AQR: variants seen among roughly 807,000 people sequenced by gnomAD.
AQR encodes the protein RNA helicase aquarius.
AQR carries 61 observed loss-of-function variants against 180.5 expected under a neutral mutation model. That is an observed-to-expected ratio of 0.34 (90% confidence interval 0.28 to 0.42). AQR has a LOEUF of 0.42. Ranked by LOEUF, AQR falls within the 10% of genes least tolerant of loss-of-function variation. The pLI, the probability that AQR is intolerant of heterozygous loss-of-function variation, is 1.00. For synonymous variants in AQR, 551 were observed against 588.8 expected (o/e 0.94, Z 0.93); for missense variants, 1,281 against 1,798.3 (o/e 0.71, Z 5.20).
Position 34,924,819 on chromosome 15 carries a change from C to G in AQR, c.1118+2216G>C, listed in dbSNP as rs888955577. 2.7e-5 allele frequency among the ~76,000 whole-genome samples: 4 copies of G among 150,498 alleles called. No individual in the cohort carries two copies. The South Asian group carries it at 8.3e-4, about 31-fold the overall frequency. The stretch of plus-strand genomic sequence containing the variant: ...TAGTGAATATAATGAATATAATACA[C>G]ATAAATGTTCTTTGGGATCCTCAAT... On this transcript the variant is annotated intron_variant, in intron 13 of 34. Transcript: ENST00000156471.
chr15:34,949,139 T>C (rs1335774320), intron 4 of AQR, among the ~76,000 whole-genome samples: 2 of 151,662 alleles, frequency 1.3e-5, no homozygotes, highest in Non-Finnish European at 2.9e-5. Context: ...ATTACAAGAA[T>C]GTGCCACCAC....
intron 1 of AQR, among the ~76,000 whole-genome samples, chr15:34,967,233 T>C (rs2140511793): frequency 6.6e-6 from 1 of 152,296 alleles, no homozygotes; most frequent in Non-Finnish European, 1.5e-5. Context: ...AAGGTGTGTG[T>C]ACTTGCTATT....
intron 2 of AQR, among the ~76,000 whole-genome samples, chr15:34,962,434 G>A (rs1208465821): frequency 6.6e-6 from 1 of 152,142 alleles, no homozygotes; most frequent in African/African-American, 2.4e-5. Context: ...GAAATGCTCT[G>A]TTATTGTTTT....
chr15:34,888,033 C>T lies in AQR; in HGVS notation c.2682-1372G>A, dbSNP rs149951940. Reference sequence around the variant, plus strand: ...AAGCAACAGGCCGGGCACGGTGGCTCACGCCTGTAATCCCAGCACTTTGGG... The same window carrying T: ...AAGCAACAGGCCGGGCACGGTGGCTTACGCCTGTAATCCCAGCACTTTGGG... On this transcript the variant is annotated intron_variant, in intron 24 of 34. Transcript: ENST00000156471. 4.3e-3 allele frequency among the ~76,000 whole-genome samples: 657 copies of T among 152,312 alleles called. 6 individuals are homozygous for T. The highest frequency in any genetic ancestry group is 0.015 in the African/African-American group (622 of 41,560).
chr15:34,858,319 GCAA>G (rs1489686110), intron 34 of AQR, among the ~76,000 whole-genome samples: 15 of 10,170 alleles, frequency 1.5e-3, no homozygotes, highest in African/African-American at 4.2e-3. Flanking sequence ...CACGACAGCA[GCAA>G]AAAAAAAAAA....
chr15:34,914,240 T>G (rs1893544938), intron 16 of AQR, among the ~76,000 whole-genome samples: 2 of 152,220 alleles, frequency 1.3e-5, no homozygotes, highest in South Asian at 2.1e-4. Context: ...AATTTCATAC[T>G]TGATGAAATT....
At chr15:34,924,336 C>A (rs1447348627) in intron 13 of AQR, among the ~76,000 whole-genome samples, 1 of 152,024 alleles carries the variant, frequency 6.6e-6, no homozygotes, top group African/African-American at 2.4e-5. Flanking sequence ...AAATGTAAAA[C>A]AATGACACTC....
In AQR at chr15:34,856,762, A is replaced by T; in HGVS notation, c.*30T>A. The T allele has an allele frequency of 6.8e-7, 1 of 1,461,656 alleles. No homozygotes were observed. The highest frequency in any genetic ancestry group is 9.1e-7 in the Non-Finnish European group (1 of 1,102,836). The allele number at this position is 1,461,656 out of a possible 1,614,324, so 90.5% of individuals were successfully genotyped here. On this transcript the variant is annotated 3_prime_UTR_variant, in exon 35 of 35. Coordinates refer to ENST00000156471, the MANE Select transcript of AQR (RefSeq NM_014691.3). ...GCTTTACTCAGACTTTTTGACTGCC[A>T]TGTCCTCCTTTAGAAGGACTACAGT...
chr15:34,909,974 A>G (rs1893474329), intron 17 of AQR, among the ~76,000 whole-genome samples, 161 bp downstream of exon 17: 1 of 152,238 alleles, frequency 6.6e-6, no homozygotes, highest in Non-Finnish European at 1.5e-5. Flanking sequence ...TTTAAAACTA[A>G]TAATTAGAAA....
intron 15 of AQR, among the ~76,000 whole-genome samples, chr15:34,916,798 T>G (rs1439703693): frequency 6.8e-6 from 1 of 147,766 alleles, no homozygotes; most frequent in South Asian, 2.1e-4. Flanking sequence ...AGGAACATGC[T>G]GCAATATACC....
rs745980811 is a variant in AQR at position 34,915,073 on chromosome 15, C to T, written c.1449G>A (p.Gln483=). The T allele has an allele frequency of 6.8e-6, 11 of 1,612,686 alleles. No individual in the cohort carries two copies. The Admixed American group carries it at 8.4e-5, about 12-fold the overall frequency. The change falls in exon 16 of 35, where the codon CAG becomes CAA. Residue 483 remains glutamine, a synonymous_variant. Transcript: ENST00000156471. ...FRLESTYEIR[Q]DIEDSVSRMK... ...TTCTGCTGACACTATCTTCAATGTC[C>T]TGACGAATTTCATAAGTTGATTCTA...
Position 34,860,150 on chromosome 15 carries a change from T to C in AQR, c.4035A>G (p.Gly1345=), listed in dbSNP as rs1322163133. 10 of 1,480,250 alleles carry C rather than the reference T, an allele frequency of 6.8e-6. No homozygotes were observed. Among genetic ancestry groups the C allele is most frequent in the Non-Finnish European group, 8.2e-6 (9 of 1,100,744 alleles). The allele number at this position is 1,480,250 out of a possible 1,614,324, so 91.7% of individuals were successfully genotyped here. Residue 1345 remains glycine (G), a synonymous_variant, in exon 34 of 35, where the codon GGA becomes GGG. Coordinates refer to ENST00000156471, the MANE Select transcript of AQR (RefSeq NM_014691.3). ...TEPFPTTRKN[G]ERPSHEVQII... Reference sequence around the variant, plus strand: ...TTTGTACTTCATGAGATGGTCTCTCTCCATTCTAGAAGAAGGAAAAAAGAA... The same window carrying C: ...TTTGTACTTCATGAGATGGTCTCTCCCCATTCTAGAAGAAGGAAAAAAGAA...
intron 6 of AQR, chr15:34,943,447 A>G: frequency 4.7e-6 from 1 of 213,470 alleles, no homozygotes; most frequent in Non-Finnish European, 7.0e-6. Context: ...TATGTTCAAA[A>G]TAAATAAATA....
chr15:34,883,884 T>C (rs1269951444), intron 26 of AQR, among the ~76,000 whole-genome samples: 2 of 152,168 alleles, frequency 1.3e-5, no homozygotes, highest in Non-Finnish European at 2.9e-5. Flanking sequence ...ACTTTAATAA[T>C]CAGAATCAAT....
intron 23 of AQR, among the ~76,000 whole-genome samples, chr15:34,891,361 T>C (rs1278783619): frequency 6.6e-6 from 1 of 152,058 alleles, no homozygotes; most frequent in Non-Finnish European, 1.5e-5. Context: ...CACACTATAA[T>C]CCCAGAAAAA....
chr15:34,891,790 C>G (rs1893153684), intron 23 of AQR, among the ~76,000 whole-genome samples: 1 of 151,910 alleles, frequency 6.6e-6, no homozygotes. Flanking sequence ...AGACAAAGTC[C>G]AAATTGATCC....
In AQR at chr15:34,873,198, A is replaced by G. The variant is rs1366065387; in HGVS notation, c.3597+630T>C. On this transcript the variant is annotated intron_variant, in intron 30 of 34. Coordinates refer to ENST00000156471, the MANE Select transcript of AQR (RefSeq NM_014691.3). ...TGCAGTGATGAACATGAAGCATACAAGTCTTTCCAAACTTGCCCAATTATT... is the reference window on the plus strand; with the variant it reads ...TGCAGTGATGAACATGAAGCATACAGGTCTTTCCAAACTTGCCCAATTATT... 5.3e-5 allele frequency among the ~76,000 whole-genome samples: 8 copies of G among 152,258 alleles called. No individual in the cohort carries two copies. The South Asian group carries it at 6.2e-4, about 12-fold the overall frequency.
At chr15:34,864,582 T>C (rs1437708383) in intron 32 of AQR, among the ~76,000 whole-genome samples, 1 of 152,184 alleles carries the variant, frequency 6.6e-6, no homozygotes, top group Non-Finnish European at 1.5e-5. Context: ...ACAAATATTA[T>C]AAATAAAATT....
At position 34,853,260 on chromosome 15, in the gene AQR, A is replaced by G. The variant is rs1369832953; in HGVS notation, c.*3532T>C. On this transcript the variant is annotated 3_prime_UTR_variant, in exon 35 of 35. Coordinates refer to ENST00000156471, the MANE Select transcript of AQR (RefSeq NM_014691.3). Reference sequence around the variant, plus strand: ...GGTCACTGTTTTTTTTTTTTTTTTAACTTTATCTTGTTTTGATTGAAGAAA... The same window carrying G: ...GGTCACTGTTTTTTTTTTTTTTTTAGCTTTATCTTGTTTTGATTGAAGAAA... 1 of 148,172 alleles carries G rather than the reference A, an allele frequency of 6.7e-6. No individual in the cohort carries two copies. The highest frequency in any genetic ancestry group is 1.5e-5 in the Non-Finnish European group (1 of 67,452). The allele number at this position is 148,172 out of a possible 1,614,324, so 9.2% of individuals were successfully genotyped here.
Sources: allele counts gnomAD v4.1 joint callset (sites outside exome capture counted in the v4.1 genomes callset), GRCh38; gene constraint gnomAD v4.1.1; transcripts MANE v1.5; gene names NCBI Gene and HGNC (gene_info 2026-07-23, HGNC 2026-07-21).